Variants in WDPCP observed in about 807,000 individuals in gnomAD.
WDPCP encodes WD repeat containing planar cell polarity effector.
Under a neutral mutation model 93.1 loss-of-function variants are expected in WDPCP, and 71 were observed. The ratio of observed to expected loss-of-function variants is 0.76; its 90% CI spans 0.63 to 0.93. The LOEUF is 0.93. Among genes scored for constraint, WDPCP ranks in the 40% least tolerant of loss-of-function variants. The pLI, the probability that WDPCP is intolerant of heterozygous loss-of-function variation, is 0.00. For missense variants in WDPCP, 844 were observed against 887.4 expected (o/e 0.95, Z 0.62); for synonymous variants, 315 against 315.0 (o/e 1.00, Z 0.00).
intron 3 of WDPCP, chr2:63,597,871 G>A (rs1022812498): frequency 1.4e-4 from 26 of 188,974 alleles, no homozygotes; most frequent in Middle Eastern, 1.9e-3. Context: ...TTTTTGCTGC[G>A]TGGGAATATT....
At chr2:63,256,392 A>G (rs1274909448) in intron 14 of WDPCP, among the ~76,000 whole-genome samples, 1 of 152,192 alleles carries the variant, frequency 6.6e-6, no homozygotes, top group Non-Finnish European at 1.5e-5. Flanking sequence ...TGTCACATAT[A>G]CAAAATTACA....
At chr2:63,821,824 T>C (rs1252845325) in intron 1 of WDPCP, among the ~76,000 whole-genome samples, 2 of 152,152 alleles carry the variant, frequency 1.3e-5, no homozygotes, top group African/African-American at 2.4e-5. Flanking sequence ...AAATTGAGGA[T>C]ATCAAAGGAT....
chr2:63,795,376 G>T (rs1670598284), intron 2 of WDPCP, among the ~76,000 whole-genome samples: 1 of 151,806 alleles, frequency 6.6e-6, no homozygotes, highest in African/African-American at 2.4e-5. Context: ...GTAAGAATAA[G>T]AATGTTGAGC....
intron 2 of WDPCP, among the ~76,000 whole-genome samples, chr2:63,739,210 T>C (rs531055681): frequency 6.6e-6 from 1 of 152,238 alleles, no homozygotes; most frequent in South Asian, 2.1e-4. Context: ...CCAGTGTCTG[T>C]TGTTTCCTTC....
intron 3 of WDPCP, chr2:63,622,655 G>A: frequency 6.2e-6 from 10 of 1,613,888 alleles, no homozygotes; most frequent in Non-Finnish European, 8.5e-6. Flanking sequence ...GCATTCTGTT[G>A]GTCTTGGTCA....
rs183769181 is a variant in WDPCP, at chr2:63,540,617, T to A, written c.75+47580A>T. Among the ~76,000 whole-genome samples the A allele has an allele frequency of 5.2e-3, 794 of 152,346 alleles. 24 individuals are homozygous for A. The highest frequency in any genetic ancestry group is 0.045 in the Admixed American group (683 of 15,298). On this transcript the variant is annotated intron_variant, in intron 1 of 17. Transcript: ENST00000272321. ...ATATGTGTTTATAAACGTGTCTCTG[T>A]ATGTAACTGCTTATGTTAAATATGA...
At chr2:63,311,076 T>C (rs1686149748) in intron 13 of WDPCP, among the ~76,000 whole-genome samples, 1 of 152,224 alleles carries the variant, frequency 6.6e-6, no homozygotes. Context: ...ATATCAACTT[T>C]CTTATCATGT....
chr2:63,722,532 G>GCAGCTAC (rs1669433872), intron 2 of WDPCP, among the ~76,000 whole-genome samples: 24 of 119,838 alleles, frequency 2.0e-4, no homozygotes, highest in Non-Finnish European at 3.3e-4. Context: ...TCTCCGCCCG[G>GCAGCTAC]CCAGCCGCCC....
intron 15 of WDPCP, among the ~76,000 whole-genome samples, chr2:63,162,666 A>C (rs1048042373): frequency 6.6e-6 from 1 of 152,154 alleles, no homozygotes; most frequent in Non-Finnish European, 1.5e-5. Context: ...ACTCATAACT[A>C]CAGGGTCTCA....
chr2:63,764,153 C>A (rs1292425831), intron 2 of WDPCP, among the ~76,000 whole-genome samples: 3 of 152,164 alleles, frequency 2.0e-5, no homozygotes, highest in Non-Finnish European at 4.4e-5. Context: ...AAAACACTTT[C>A]ATCACCCCAA....
intron 10 of WDPCP, among the ~76,000 whole-genome samples, chr2:63,393,405 G>A (rs1192196054): frequency 6.6e-6 from 1 of 151,976 alleles, no homozygotes; most frequent in Non-Finnish European, 1.5e-5. Context: ...GGCTAGGGGA[G>A]GGATAGCATT....
chr2:63,589,434 TTGCCC>T (rs759150228), upstream of WDPCP: 233 of 1,516,492 alleles, frequency 1.5e-4, 3 homozygotes, highest in South Asian at 2.7e-3. Context: ...TTCTCCTCAT[TTGCCC>T]ACAGTGTTTA....
intron 2 of WDPCP, among the ~76,000 whole-genome samples, chr2:63,686,887 C>A (rs1446057909): frequency 3.3e-5 from 2 of 60,926 alleles, no homozygotes; most frequent in East Asian, 5.8e-4. Context: ...GATCCACATT[C>A]TGTGCTGAAA....
At chr2:63,163,400 A>G (rs775854491) in intron 15 of WDPCP, among the ~76,000 whole-genome samples, 27 of 152,202 alleles carry the variant, frequency 1.8e-4, no homozygotes, top group Non-Finnish European at 3.7e-4. Context: ...GGATGTCTCT[A>G]GTGAGTTTCT....
intron 1 of WDPCP, among the ~76,000 whole-genome samples, chr2:63,527,991 T>C (rs1575586165): frequency 6.6e-6 from 1 of 152,112 alleles, no homozygotes; most frequent in South Asian, 2.1e-4. Context: ...CATTTTTTCA[T>C]GTGTCTGTTG....
At chr2:63,140,174 GC>G (rs1164498198) in intron 17 of WDPCP, among the ~76,000 whole-genome samples, 1 of 152,084 alleles carries the variant, frequency 6.6e-6, no homozygotes, top group Non-Finnish European at 1.5e-5. Context: ...TGATCTGTAT[GC>G]CTATTTTTAT....
At chr2:63,736,035 G>A (rs1669635234) in intron 2 of WDPCP, among the ~76,000 whole-genome samples, 1 of 152,198 alleles carries the variant, frequency 6.6e-6, no homozygotes, top group Non-Finnish European at 1.5e-5. Context: ...AAGGATTGCA[G>A]AATTCTAGAC....
intron 12 of WDPCP, among the ~76,000 whole-genome samples, chr2:63,338,030 T>C (rs1467335375): frequency 1.3e-5 from 2 of 152,218 alleles, no homozygotes; most frequent in Admixed American, 1.3e-4. Context: ...ATTTTTGTTT[T>C]GGTTACCTGT....
At position 63,490,378 on chromosome 2, in the gene WDPCP, A is replaced by T. The variant is rs935371718; in HGVS notation, c.160+2478T>A. Among the ~76,000 whole-genome samples, 37 of 152,186 alleles carry T rather than the reference A, an allele frequency of 2.4e-4. 2 individuals are homozygous for T. Among genetic ancestry groups the T allele is most frequent in the Admixed American group, 2.4e-3 (37 of 15,280 alleles). ...GATAAAGCATCAGGCTACAACTCTC[A>T]AACGGTTCAAGAAAAAAAATTCTCT... On this transcript the variant is annotated intron_variant, in intron 2 of 17. Coordinates refer to ENST00000272321, the MANE Select transcript of WDPCP (RefSeq NM_015910.7).
Sources: gnomAD v4.1 joint callset for allele counts (sites outside exome capture counted in the v4.1 genomes callset) on GRCh38, gnomAD v4.1.1 for gene constraint, MANE v1.5 for transcripts, NCBI Gene and HGNC (gene_info 2026-07-23, HGNC 2026-07-21) for gene names.